Variants in ATP8A1 observed in about 807,000 individuals in gnomAD.
ATP8A1 encodes phospholipid-transporting ATPase IA.
A neutral mutation model predicts 177.7 loss-of-function variants in ATP8A1; 90 were observed. The observed-to-expected ratio is 0.51, with a 90% CI of 0.43 to 0.60. The LOEUF is 0.60. ATP8A1 is among the 20% of genes least tolerant of loss of function. The pLI is 0.00. For missense variants in ATP8A1, 1,072 were observed against 1,392.8 expected, an observed-to-expected ratio of 0.77 and a Z score of 3.67; for synonymous variants, 493 against 485.9, an observed-to-expected ratio of 1.01 and a Z score of -0.19.
intron 9 of ATP8A1, among the ~76,000 whole-genome samples, chr4:42,583,038 A>G (rs1447453893): frequency 1.3e-5 from 2 of 152,254 alleles, no homozygotes; most frequent in East Asian, 3.8e-4. Context: ...TTCCACAAGA[A>G]AAGTCGACAG....
At chr4:42,543,134 TTTCA>T (rs1728574823) in intron 20 of ATP8A1, among the ~76,000 whole-genome samples, 1 of 152,192 alleles carries the variant, frequency 6.6e-6, no homozygotes, top group Admixed American at 6.5e-5. Flanking sequence ...AAAAATTGCA[TTTCA>T]TTGTCTTTAA....
intron 22 of ATP8A1, among the ~76,000 whole-genome samples, chr4:42,515,030 G>A (rs887448444): frequency 5.3e-5 from 8 of 152,152 alleles, no homozygotes; most frequent in Non-Finnish European, 8.8e-5. Context: ...TAAAAAAGAT[G>A]AAATAAAACA....
intron 25 of ATP8A1, among the ~76,000 whole-genome samples, chr4:42,471,600 T>C (rs1432125364): frequency 1.3e-5 from 2 of 152,338 alleles, no homozygotes; most frequent in East Asian, 1.9e-4. Context: ...AATAGACCTA[T>C]GAAAGGCACT....
chr4:42,583,125 T>C (rs1733266061), intron 9 of ATP8A1, among the ~76,000 whole-genome samples: 1 of 152,144 alleles, frequency 6.6e-6, no homozygotes, highest in South Asian at 2.1e-4. Context: ...TCTGGCCCAG[T>C]AGGCTTGGAA....
rs928853979 is a variant in ATP8A1, at chr4:42,628,867, G to A, written c.50-1758C>T. On this transcript the variant is annotated intron_variant, in intron 1 of 36. Coordinates refer to ENST00000381668, the MANE Select transcript of ATP8A1 (RefSeq NM_006095.2). ...CTCCACTCTGAGCTGATGTTCTCAG[G>A]TTGTGTTGTATTTACTTTATATAAT... Among the ~76,000 whole-genome samples, 9 of 152,252 alleles carry A rather than the reference G, an allele frequency of 5.9e-5. No homozygotes were observed. In the South Asian group the frequency reaches 1.7e-3, roughly 28 times the overall value.
chr4:42,520,630 C>T (rs952976164), intron 22 of ATP8A1, among the ~76,000 whole-genome samples: 5 of 152,026 alleles, frequency 3.3e-5, no homozygotes, highest in Non-Finnish European at 7.4e-5. Flanking sequence ...TAACAAGTCT[C>T]CTGGTGTGTG....
Position 42,432,562 on chromosome 4 carries a change from C to T in ATP8A1, c.3124-8857G>A, listed in dbSNP as rs552421220. Among the ~76,000 whole-genome samples, 259 of 152,294 alleles carry T rather than the reference C, an allele frequency of 1.7e-3. 1 individual carries two copies. The highest frequency in any genetic ancestry group is 5.7e-3 in the African/African-American group (237 of 41,566). On this transcript the variant is annotated intron_variant, in intron 33 of 36. Coordinates refer to ENST00000381668, the MANE Select transcript of ATP8A1 (RefSeq NM_006095.2). ...GTTGTTGGACTCTTTCTCAGAGGCC[C>T]GAGCCTTCCAGTCTGAATTCATTAT...
At position 42,409,418 on chromosome 4, in the gene ATP8A1, C is replaced by T. The variant is rs1235874465; in HGVS notation, c.*3498G>A. 6.6e-6 allele frequency: 1 copy of T among 152,074 alleles called. No individual in the cohort carries two copies. The highest frequency in any genetic ancestry group is 2.4e-5 in the African/African-American group (1 of 41,438). The allele number at this position is 152,074 out of a possible 1,614,324, so 9.4% of individuals were successfully genotyped here. On this transcript the variant is annotated 3_prime_UTR_variant, in exon 37 of 37. Transcript: ENST00000381668. ...TGTGAGAAAAATCAGACTATGGTAT[C>T]TTACGAGTCATTATAGAAATGTTCA...
At chr4:42,516,272 A>G (rs1725525994) in intron 22 of ATP8A1, among the ~76,000 whole-genome samples, 1 of 152,182 alleles carries the variant, frequency 6.6e-6, no homozygotes, top group African/African-American at 2.4e-5. Context: ...TTGCTATCTG[A>G]TCAAAAAAGG....
chr4:42,446,150 C>T (rs1472024819), intron 31 of ATP8A1, among the ~76,000 whole-genome samples: 1 of 148,804 alleles, frequency 6.7e-6, no homozygotes, highest in Non-Finnish European at 1.5e-5. Flanking sequence ...CTCCTGAGAC[C>T]TGGATACTGT....
intron 20 of ATP8A1, among the ~76,000 whole-genome samples, chr4:42,540,114 T>G (rs1407190848): frequency 6.6e-6 from 1 of 151,710 alleles, no homozygotes; most frequent in African/African-American, 2.4e-5. Flanking sequence ...CCTTAAAAGG[T>G]GGACAAAGGA....
At chr4:42,535,636 T>C (rs567038552) in intron 20 of ATP8A1, among the ~76,000 whole-genome samples, 20 of 152,296 alleles carry the variant, frequency 1.3e-4, no homozygotes, top group Admixed American at 5.2e-4. Flanking sequence ...TTACAGAACA[T>C]TGTACCCAAC....
At chr4:42,625,421 A>G in intron 3 of ATP8A1, 193 bp downstream of exon 3, 1 of 440,230 alleles carries the variant, frequency 2.3e-6, no homozygotes, top group African/African-American at 2.0e-5. Flanking sequence ...TAGAACACCC[A>G]AAATAAGCTG....
chr4:42,500,609 C>T (rs1723765585), intron 24 of ATP8A1, among the ~76,000 whole-genome samples: 1 of 151,866 alleles, frequency 6.6e-6, no homozygotes, highest in Non-Finnish European at 1.5e-5. Context: ...AAGCTTTCTG[C>T]TGATCCTGGC....
chr4:42,646,107 G>C (rs1740503917), intron 1 of ATP8A1, among the ~76,000 whole-genome samples: 1 of 152,218 alleles, frequency 6.6e-6, no homozygotes, highest in Non-Finnish European at 1.5e-5. Context: ...TGTGGGTTCA[G>C]GTGAGCTGGC....
At chr4:42,515,569 C>T (rs975995556) in intron 22 of ATP8A1, among the ~76,000 whole-genome samples, 21 of 152,172 alleles carry the variant, frequency 1.4e-4, no homozygotes, top group African/African-American at 5.1e-4. Context: ...AAATGTCAAC[C>T]ACGTTTTGGG....
chr4:42,463,315 G>T (rs1235874816), intron 27 of ATP8A1, among the ~76,000 whole-genome samples: 1 of 152,158 alleles, frequency 6.6e-6, no homozygotes, highest in African/African-American at 2.4e-5. Context: ...TTCCTGTGAT[G>T]TTCTCGTGAT....
intron 5 of ATP8A1, among the ~76,000 whole-genome samples, chr4:42,612,230 C>T (rs1163750798): frequency 6.6e-6 from 1 of 151,898 alleles, no homozygotes; most frequent in Non-Finnish European, 1.5e-5. Context: ...TTCAGGAAGG[C>T]TTCTTTTCAT....
At chr4:42,645,778 G>A (rs1294624669) in intron 1 of ATP8A1, among the ~76,000 whole-genome samples, 2 of 152,200 alleles carry the variant, frequency 1.3e-5, no homozygotes, top group Non-Finnish European at 2.9e-5. Context: ...AGTTAGGAAA[G>A]TTGACTTAAG....
Sources: allele counts gnomAD v4.1 joint callset (sites outside exome capture counted in the v4.1 genomes callset), GRCh38; gene constraint gnomAD v4.1.1; transcripts MANE v1.5; gene names NCBI Gene and HGNC (gene_info 2026-07-23, HGNC 2026-07-21).